FSTL5: variants seen among roughly 807,000 people sequenced by gnomAD.
FSTL5 encodes follistatin like 5.
Under a neutral mutation model 89.1 loss-of-function variants are expected in FSTL5, and 62 were observed. The observed-to-expected ratio is 0.70, with a 90% CI of 0.57 to 0.86. The LOEUF (loss-of-function observed/expected upper bound fraction) is 0.86, where lower values mean the gene tolerates loss of function less well. FSTL5 is among the 40% of genes least tolerant of loss of function. FSTL5 has a pLI of 0.00. For missense variants in FSTL5, 1,057 were observed against 1,001.6 expected, an observed-to-expected ratio of 1.06 and a Z score of -0.75; for synonymous variants, 383 against 346.2, an observed-to-expected ratio of 1.11 and a Z score of -1.18.
chr4:162,152,297 T>A (rs1291877454), intron 1 of FSTL5, among the ~76,000 whole-genome samples: 1 of 152,222 alleles, frequency 6.6e-6, no homozygotes. Flanking sequence ...TTACTCCAAT[T>A]AATTATAGCT....
At chr4:161,410,465 A>C (rs1178493768) in intron 15 of FSTL5, among the ~76,000 whole-genome samples, 5 of 152,202 alleles carry the variant, frequency 3.3e-5, no homozygotes, top group Non-Finnish European at 7.3e-5. Context: ...AGATCAACAA[A>C]ATGCTCAGTC....
intron 3 of FSTL5, among the ~76,000 whole-genome samples, chr4:161,995,840 TTAACTAAGAGAACTCTCA>T (rs1312114635): frequency 4.6e-5 from 7 of 151,732 alleles, no homozygotes; most frequent in African/African-American, 1.7e-4. Flanking sequence ...CTTCTCTGAG[TTAACTAAGAGAACTCTCA>T]GGGAGACTAC....
At chr4:161,968,334 AAT>A (rs1296980409) in intron 3 of FSTL5, among the ~76,000 whole-genome samples, 1 of 152,132 alleles carries the variant, frequency 6.6e-6, no homozygotes, top group Non-Finnish European at 1.5e-5. Flanking sequence ...ACACATGGAC[AAT>A]ATAAATGCAA....
intron 6 of FSTL5, among the ~76,000 whole-genome samples, chr4:161,675,862 AAG>A (rs1342127389): frequency 1.3e-5 from 2 of 152,070 alleles, no homozygotes; most frequent in African/African-American, 4.8e-5. Context: ...TTTGTAGAAA[AAG>A]AAATATTACA....
At chr4:162,135,784 A>G (rs1043996649) in intron 1 of FSTL5, among the ~76,000 whole-genome samples, 1 of 152,108 alleles carries the variant, frequency 6.6e-6, no homozygotes, top group African/African-American at 2.4e-5. Flanking sequence ...TGTTGAATAA[A>G]TGATCGAGTC....
intron 15 of FSTL5, among the ~76,000 whole-genome samples, chr4:161,404,527 C>A (rs1731291027): frequency 6.6e-6 from 1 of 152,062 alleles, no homozygotes; most frequent in Non-Finnish European, 1.5e-5. Flanking sequence ...CAACATAGGG[C>A]CAATCCTGTG....
At chr4:162,031,924 C>T (rs1737543265) in intron 3 of FSTL5, among the ~76,000 whole-genome samples, 1 of 151,724 alleles carries the variant, frequency 6.6e-6, no homozygotes, top group African/African-American at 2.4e-5. Context: ...GGCAACAGAG[C>T]GAGACTCCAT....
intron 15 of FSTL5, among the ~76,000 whole-genome samples, chr4:161,404,277 C>G (rs555318431): frequency 4.5e-4 from 69 of 152,218 alleles, no homozygotes; most frequent in African/African-American, 1.6e-3. Context: ...TTGGGCCAAT[C>G]AGTAGACACA....
chr4:161,854,886 T>TA (rs199667804), intron 4 of FSTL5, among the ~76,000 whole-genome samples: 32 of 152,086 alleles, frequency 2.1e-4, no homozygotes, highest in Non-Finnish European at 3.1e-4. Flanking sequence ...TTAATAATGT[T>TA]AAAAAAATTA....
At chr4:161,756,296 C>A (rs1394230469) in intron 6 of FSTL5, among the ~76,000 whole-genome samples, 1 of 152,004 alleles carries the variant, frequency 6.6e-6, no homozygotes, top group Non-Finnish European at 1.5e-5. Context: ...CAAGCAATTT[C>A]ATTACCCAAC....
intron 7 of FSTL5, among the ~76,000 whole-genome samples, chr4:161,600,158 AACACACACACACAC>A (rs71598717): frequency 0.051 from 7,264 of 142,046 alleles, 568 homozygotes; most frequent in African/African-American, 0.18. Flanking sequence ...AATGTCAATA[AACACACACACACAC>A]ACACACACAC....
chr4:161,744,011 A>G (rs1667085614), intron 6 of FSTL5, among the ~76,000 whole-genome samples: 1 of 152,200 alleles, frequency 6.6e-6, no homozygotes, highest in Non-Finnish European at 1.5e-5. Flanking sequence ...TGACAAGTTC[A>G]GAAACATTTA....
At chr4:161,517,729 T>C (rs2126511014) in intron 10 of FSTL5, among the ~76,000 whole-genome samples, 1 of 152,296 alleles carries the variant, frequency 6.6e-6, no homozygotes, top group Admixed American at 6.5e-5. Context: ...TTATATTAAA[T>C]AATTTTTTTT....
At chr4:161,437,315 C>T (rs1407567072) in intron 15 of FSTL5, among the ~76,000 whole-genome samples, 1 of 151,944 alleles carries the variant, frequency 6.6e-6, no homozygotes, top group African/African-American at 2.4e-5. Context: ...GCCTGTAATC[C>T]CAGCACTTTG....
At chr4:161,531,938 C>T (rs28709299) in intron 10 of FSTL5, among the ~76,000 whole-genome samples, 4,098 of 152,058 alleles carry the variant, frequency 0.027, 177 homozygotes, top group African/African-American at 0.092. Context: ...GGCGTGGTGG[C>T]TCACGCCTAT....
At chr4:161,923,433 T>C (rs1421773621) in intron 3 of FSTL5, among the ~76,000 whole-genome samples, 2 of 151,940 alleles carry the variant, frequency 1.3e-5, no homozygotes, top group Non-Finnish European at 2.9e-5. Context: ...CCCATCCTTA[T>C]GCCAGTTTTT....
intron 2 of FSTL5, among the ~76,000 whole-genome samples, chr4:162,040,778 C>T (rs1269861379): frequency 6.6e-6 from 1 of 152,036 alleles, no homozygotes; most frequent in African/African-American, 2.4e-5. Context: ...AAGGCCTTCG[C>T]TGAACATTCT....
At chr4:161,602,166 A>G (rs1734266337) in intron 7 of FSTL5, among the ~76,000 whole-genome samples, 3 of 151,774 alleles carry the variant, frequency 2.0e-5, no homozygotes, top group Admixed American at 2.0e-4. Context: ...TAAATAAGAC[A>G]CACACAGAAA....
intron 15 of FSTL5, among the ~76,000 whole-genome samples, chr4:161,402,699 A>C (rs966325679): frequency 1.3e-5 from 2 of 152,218 alleles, no homozygotes; most frequent in African/African-American, 4.8e-5. Context: ...AGAGCTTTGA[A>C]GATGTAGATT....
Sources: allele counts gnomAD v4.1 joint callset (sites outside exome capture counted in the v4.1 genomes callset), GRCh38; gene constraint gnomAD v4.1.1; transcripts MANE v1.5; gene names NCBI Gene and HGNC (gene_info 2026-07-23, HGNC 2026-07-21).